HOATZ: variants seen among roughly 807,000 people sequenced by gnomAD.
The protein encoded by HOATZ is HOATZ cilia and flagella associated protein.
Under a neutral mutation model 24.9 loss-of-function variants are expected in HOATZ, and 26 were observed. The ratio of observed to expected loss-of-function variants is 1.04; its 90% CI spans 0.76 to 1.45. The LOEUF (loss-of-function observed/expected upper bound fraction) is 1.45. HOATZ is among the 40% of genes most tolerant of loss of function. The pLI is 0.00. For missense variants in HOATZ, 226 were observed against 201.5 expected (o/e 1.12, Z -0.74); for synonymous variants, 83 against 76.6 (o/e 1.08, Z -0.43).
At chr11:111,520,233 T>C (rs1200438100) in intron 3 of HOATZ, among the ~76,000 whole-genome samples, 1 of 152,196 alleles carries the variant, frequency 6.6e-6, no homozygotes, top group African/African-American at 2.4e-5. Flanking sequence ...CTTTTTAGTT[T>C]TGCCGCCTTT....
intron 3 of HOATZ, among the ~76,000 whole-genome samples, chr11:111,526,027 A>G (rs1867335117): frequency 6.6e-6 from 1 of 152,238 alleles, no homozygotes; most frequent in South Asian, 2.1e-4. Context: ...GAGGATTTCT[A>G]CAAAGATTAA....
chr11:111,519,049 G>A (rs1363542291), intron 3 of HOATZ: 3 of 455,948 alleles, frequency 6.6e-6, no homozygotes, highest in African/African-American at 4.0e-5. Context: ...GAGACAACAA[G>A]ATGGGTTTGG....
intron 3 of HOATZ, among the ~76,000 whole-genome samples, chr11:111,532,468 C>T (rs932362048): frequency 2.0e-5 from 3 of 152,070 alleles, no homozygotes; most frequent in South Asian, 2.1e-4. Context: ...ACAATTGCCA[C>T]GTGAAGACAG....
chr11:111,531,699 G>A (rs1565253159), intron 3 of HOATZ, among the ~76,000 whole-genome samples: 3 of 152,134 alleles, frequency 2.0e-5, no homozygotes, highest in Non-Finnish European at 4.4e-5. Context: ...CAAGTAAAAC[G>A]TAGAAATCCT....
In HOATZ at chr11:111,521,868, C is replaced by G. The variant is rs191157466; in HGVS notation, c.339+5758C>G. ...TTTTCAGTTGACAGATGAGGTTCCCCTCTAAATCTTCTTTAGTAACATCTA... is the reference window on the plus strand; with the variant it reads ...TTTTCAGTTGACAGATGAGGTTCCCGTCTAAATCTTCTTTAGTAACATCTA... On this transcript the variant is annotated intron_variant, in intron 3 of 5. Coordinates refer to ENST00000375618, the MANE Select transcript of HOATZ (RefSeq NM_001100388.2). 5.3e-5 allele frequency among the ~76,000 whole-genome samples: 8 copies of G among 152,298 alleles called. No homozygotes were observed. In the East Asian group the frequency reaches 1.5e-3, roughly 29 times the overall value.
At chr11:111,531,766 C>G (rs1867395777) in intron 3 of HOATZ, among the ~76,000 whole-genome samples, 1 of 152,054 alleles carries the variant, frequency 6.6e-6, no homozygotes, top group African/African-American at 2.4e-5. Flanking sequence ...AGATTCATAC[C>G]ACTTAAACAG....
intron 3 of HOATZ, among the ~76,000 whole-genome samples, chr11:111,522,324 T>C (rs1288292407): frequency 1.3e-5 from 2 of 152,226 alleles, no homozygotes; most frequent in African/African-American, 2.4e-5. Flanking sequence ...TGAATCCTTA[T>C]TGTTCAAATT....
intron 3 of HOATZ, among the ~76,000 whole-genome samples, chr11:111,523,449 A>G (rs1424933627): frequency 1.3e-5 from 2 of 152,160 alleles, no homozygotes; most frequent in Non-Finnish European, 2.9e-5. Context: ...TGTTCTATTG[A>G]TGAAGCATTA....
intron 3 of HOATZ, among the ~76,000 whole-genome samples, chr11:111,527,258 T>G (rs772728294): frequency 1.7e-4 from 26 of 152,230 alleles, no homozygotes; most frequent in Non-Finnish European, 3.2e-4. Context: ...AATACACATT[T>G]TTTTCTTCCT....
At chr11:111,533,630 GA>G (rs1867417276) in intron 3 of HOATZ, 115 bp from the exon 4 acceptor site, 3 of 671,226 alleles carry the variant, frequency 4.5e-6, no homozygotes, top group East Asian at 3.1e-5. Flanking sequence ...TATATCTTAG[GA>G]AAAAATATTT....
Position 111,534,645 on chromosome 11 carries a change from T to C in HOATZ, c.452+181T>C. On this transcript the variant is annotated intron_variant, in intron 5 of 5. Coordinates refer to ENST00000375618, the MANE Select transcript of HOATZ (RefSeq NM_001100388.2). Reference sequence around the variant, plus strand: ...CAGCTATTAAAGCCTGTGTACGAACTTGTCTGTCTGTGGAATATGCAAGCA... The same window carrying C: ...CAGCTATTAAAGCCTGTGTACGAACCTGTCTGTCTGTGGAATATGCAAGCA... The C allele has an allele frequency of 9.9e-6, 6 of 603,220 alleles. No homozygotes were observed. The South Asian group carries it at 1.3e-4, about 13-fold the overall frequency. 37.4% of individuals were successfully genotyped at this position (603,220 alleles called of 1,614,324 possible).
chr11:111,532,894 T>C (rs1867409050), intron 3 of HOATZ, among the ~76,000 whole-genome samples: 1 of 152,266 alleles, frequency 6.6e-6, no homozygotes, highest in Non-Finnish European at 1.5e-5. Context: ...ATTATCAGGA[T>C]TTCCTTTTTT....
chr11:111,522,539 T>C (rs1445224618), intron 3 of HOATZ, among the ~76,000 whole-genome samples: 2 of 152,206 alleles, frequency 1.3e-5, no homozygotes, highest in African/African-American at 4.8e-5. Context: ...ATGAGTGATG[T>C]ATCTATATTT....
rs1319075990 is a variant in HOATZ at position 111,514,963 on chromosome 11, G to A, written c.179G>A (p.Ser60Asn). Residue 60 changes from serine to asparagine, a missense_variant, in exon 1 of 6, where the codon AGC (serine) becomes AAC (asparagine). Ser to Asn is a conservative substitution (Grantham distance 46). Transcript: ENST00000375618. Reference sequence around the variant, plus strand: ...TCTCAGCTGGTGCTGCGCAGAGACAGCAGTCAGCGTCTGCCGGTGGCGCGG... The same window carrying A: ...TCTCAGCTGGTGCTGCGCAGAGACAACAGTCAGCGTCTGCCGGTGGCGCGG... ...SESQLVLRRD[S>N]SQRLPVARPR... 1 of 1,613,806 alleles carries A rather than the reference G, an allele frequency of 6.2e-7. No individual in the cohort carries two copies. Among genetic ancestry groups the A allele is most frequent in the East Asian group, 2.2e-5 (1 of 44,890 alleles).
Position 111,536,765 on chromosome 11 carries a change from A to G in HOATZ, c.453-5A>G. 1.2e-6 allele frequency: 2 copies of G among 1,611,850 alleles called. No homozygotes were observed. Among genetic ancestry groups the G allele is most frequent in the Admixed American group, 1.7e-5 (1 of 60,026 alleles). On this transcript the variant is annotated splice_region_variant and splice_polypyrimidine_tract_variant and intron_variant, in intron 5 of 5. Coordinates refer to ENST00000375618, the MANE Select transcript of HOATZ (RefSeq NM_001100388.2). ...ATTGGAACTGACTGATATTACTACC[A>G]ACAGGAAAGTGGTATCAGAGTCAGA...
rs1030076414 is a variant in HOATZ at position 111,514,798 on chromosome 11, C to A, written c.14C>A (p.Pro5His). The A allele has an allele frequency of 1.2e-6, 2 of 1,613,746 alleles. No homozygotes were observed. The highest frequency in any genetic ancestry group is 1.7e-5 in the Admixed American group (1 of 59,996). METG[P>H]SEEPSGRKES... ...TCCTCAGTTGCCATGGAAACGGGAC[C>A]CAGCGAAGAACCTAGCGGCCGAAAA... is the stretch of plus-strand genomic sequence containing the variant. Residue 5 changes from proline to histidine, a missense_variant, in exon 1 of 6, where the codon CCC (proline) becomes CAC (histidine). Coordinates refer to ENST00000375618, the MANE Select transcript of HOATZ (RefSeq NM_001100388.2).
intron 3 of HOATZ, among the ~76,000 whole-genome samples, chr11:111,520,603 C>T (rs944347375): frequency 1.3e-5 from 2 of 152,206 alleles, no homozygotes; most frequent in Non-Finnish European, 2.9e-5. Context: ...GAGAACATTA[C>T]AGTAGTCCTC....
chr11:111,536,879 CA>C lies in HOATZ; in HGVS notation c.*54del. ...CTCACTTATACCTTCACTTTGGAAA[CA>C]ACCTTCTCTTAGATCAGGATCATTG... On this transcript the variant is annotated 3_prime_UTR_variant, in exon 6 of 6. Transcript: ENST00000375618. 1 of 1,392,298 alleles carries C rather than the reference CA, an allele frequency of 7.2e-7. No individual in the cohort carries two copies. Among genetic ancestry groups the C allele is most frequent in the Non-Finnish European group, 1.0e-6 (1 of 978,414 alleles). The allele number at this position is 1,392,298 out of a possible 1,614,324, so 86.2% of individuals were successfully genotyped here. A position where few individuals can be genotyped will look rare whatever the true frequency, so the allele number is the denominator to read the frequency against.
intron 3 of HOATZ, 129 bp from the exon 4 acceptor site, chr11:111,533,617 A>C (rs1867417140): frequency 3.3e-6 from 2 of 602,530 alleles, no homozygotes; most frequent in Non-Finnish European, 5.5e-6. Flanking sequence ...AAAAATGTAT[A>C]AATATATCTT....
Sources: gnomAD v4.1 joint callset for allele counts (sites outside exome capture counted in the v4.1 genomes callset) on GRCh38, gnomAD v4.1.1 for gene constraint, MANE v1.5 for transcripts, NCBI Gene and HGNC (gene_info 2026-07-23, HGNC 2026-07-21) for gene names.